CFI: variants seen among roughly 807,000 people sequenced by gnomAD.
CFI encodes the protein C3B/C4B inactivator.
In CFI, 66 loss-of-function variants were observed where a neutral mutation model predicts 78.8. That is an observed-to-expected ratio of 0.84 (90% CI 0.69 to 1.03). The LOEUF (loss-of-function observed/expected upper bound fraction) is 1.03, where lower values mean the gene tolerates loss of function less well. Ranked by LOEUF, CFI falls within the 50% of genes least tolerant of loss-of-function variation. The pLI, the probability that CFI is intolerant of heterozygous loss-of-function variation, is 0.00. For missense variants in CFI, 706 were observed against 704.5 expected (o/e 1.00, Z -0.02); for synonymous variants, 250 against 232.6 (o/e 1.07, Z -0.68).
intron 1 of CFI, among the ~76,000 whole-genome samples, chr4:109,768,348 A>AAAG (rs1210744722): frequency 1.3e-5 from 2 of 151,038 alleles, no homozygotes; most frequent in Admixed American, 1.3e-4. Flanking sequence ...AAAAAAAAAA[A>AAAG]AAAAAGAAAA....
Position 109,741,078 on chromosome 4 carries a change from CT to C in CFI, c.1566del (p.Asp524ThrfsTer6), listed in dbSNP as rs1227020199. On this transcript the variant is annotated frameshift_variant, in exon 13 of 13. Transcript: ENST00000394634. LOFTEE classifies it high-confidence loss of function. ...CAGACTAAGGGGCCTCCAGAGTCCC[CT>C]TTACAGGCATCGATGGAACCATCAT... ...GTYDGSIDAC[K>X]GDSGGPLVCM... 2.5e-6 allele frequency: 4 copies of C among 1,614,016 alleles called. No homozygotes were observed.
Position 109,749,335 on chromosome 4 carries a change from T to A in CFI, c.1045-14A>T, listed in dbSNP as rs775161962. On this transcript the variant is annotated splice_polypyrimidine_tract_variant and intron_variant, in intron 9 of 12. Coordinates refer to ENST00000394634, the MANE Select transcript of CFI (RefSeq NM_000204.5). ...TGGGAGGTCTCCCTGTAAAAGACAT[T>A]TGTGTGGTCACTGCCATTCTAACAG... 2 of 1,607,510 alleles carry A rather than the reference T, an allele frequency of 1.2e-6. No individual in the cohort carries two copies. The highest frequency in any genetic ancestry group is 1.7e-6 in the Non-Finnish European group (2 of 1,173,968).
rs199832793 is a variant in CFI at position 109,766,721 on chromosome 4, C to A, written c.161G>T (p.Cys54Phe). Residue 54 changes from cysteine (C) to phenylalanine (F), a missense_variant, in exon 2 of 13, where the codon TGC (cysteine) becomes TTC (phenylalanine). Transcript: ENST00000394634. Reference sequence around the variant, plus strand: ...TTTACAAACACAGGTGCCCTCAATGCATCTCTGCCATGGCTGGCAGAAGAC... The same window carrying A: ...TTTACAAACACAGGTGCCCTCAATGAATCTCTGCCATGGCTGGCAGAAGAC... ...DKVFCQPWQR[C>F]IEGTCVCKLP... The A allele has an allele frequency of 6.2e-7, 1 of 1,614,184 alleles. No homozygotes were observed. Among genetic ancestry groups the A allele is most frequent in the Non-Finnish European group, 8.5e-7 (1 of 1,180,022 alleles).
chr4:109,745,073 G>A (rs1044882098), intron 11 of CFI, among the ~76,000 whole-genome samples: 1 of 152,182 alleles, frequency 6.6e-6, no homozygotes, highest in South Asian at 2.1e-4. Flanking sequence ...GTTGGAATAT[G>A]AGTCTAAAAG....
intron 1 of CFI, among the ~76,000 whole-genome samples, chr4:109,777,190 G>C (rs927101205): frequency 2.0e-4 from 31 of 152,148 alleles, no homozygotes; most frequent in African/African-American, 6.8e-4. Context: ...ATTGGATAAA[G>C]AGTCAAGACC....
downstream of CFI, among the ~76,000 whole-genome samples, chr4:109,739,045 A>T (rs1245010703): frequency 6.6e-6 from 1 of 152,134 alleles, no homozygotes; most frequent in East Asian, 1.9e-4. Flanking sequence ...ATTTAATGTC[A>T]CTCAACTTTA....
chr4:109,783,200 C>A (rs1291909036), intron 1 of CFI, among the ~76,000 whole-genome samples: 1 of 152,076 alleles, frequency 6.6e-6, no homozygotes, highest in African/African-American at 2.4e-5. Flanking sequence ...AACTAAAGAA[C>A]CTTTGCACAG....
rs567414851 is a variant in CFI, at chr4:109,768,632, C to T, written c.58-1808G>A. Among the ~76,000 whole-genome samples, 10 of 152,284 alleles carry T rather than the reference C, an allele frequency of 6.6e-5. No homozygotes were observed. In the South Asian group the frequency reaches 2.1e-3, roughly 32 times the overall value. ...CCAAAAGCCAATCTGCGAAGAAAAG[C>T]CAATGCTGTCTCCCTGTCCCCCAGA... On this transcript the variant is annotated intron_variant, in intron 1 of 12. Coordinates refer to ENST00000394634, the MANE Select transcript of CFI (RefSeq NM_000204.5).
downstream of CFI, among the ~76,000 whole-genome samples, chr4:109,735,930 A>G (rs1723346004): frequency 6.6e-6 from 1 of 152,268 alleles, no homozygotes; most frequent in Admixed American, 6.5e-5. Context: ...TGACAGGTTC[A>G]TAACTCAGGA....
chr4:109,738,764 G>A (rs190070596), downstream of CFI, among the ~76,000 whole-genome samples: 3 of 152,268 alleles, frequency 2.0e-5, no homozygotes, highest in South Asian at 2.1e-4. Flanking sequence ...GTCTAAGTCC[G>A]CCCAGCCCAG....
Position 109,740,888 on chromosome 4 carries a change from C to T in CFI, c.*5G>A, listed in dbSNP as rs1223098518. The T allele has an allele frequency of 6.8e-6, 11 of 1,610,484 alleles. No homozygotes were observed. Among genetic ancestry groups the T allele is most frequent in the Non-Finnish European group, 9.3e-6 (11 of 1,176,866 alleles). ...AAGAATAGAATGAAGAGAGAGATCA[C>T]AATTTTATACATTGTACTGAGAAAT... On this transcript the variant is annotated 3_prime_UTR_variant, in exon 13 of 13. Transcript: ENST00000394634.
chr4:109,796,445 A>C (rs1267484519), intron 1 of CFI, among the ~76,000 whole-genome samples: 1 of 152,236 alleles, frequency 6.6e-6, no homozygotes, highest in Non-Finnish European at 1.5e-5. Context: ...ATACAAAAAC[A>C]ACATACAAAA....
the CFI span, among the ~76,000 whole-genome samples, chr4:109,733,615 GC>G: frequency 2.6e-5 from 4 of 152,150 alleles, no homozygotes; most frequent in African/African-American, 9.7e-5. Context: ...TGATGGTAGA[GC>G]AGAAGGGATT....
At chr4:109,760,498 A>T in intron 5 of CFI, 25 bp downstream of exon 5, 1 of 1,494,206 alleles carries the variant, frequency 6.7e-7, no homozygotes, top group Non-Finnish European at 9.3e-7. Context: ...AATTTAGAGG[A>T]TTTAGAGGCT....
At chr4:109,769,132 A>T (rs1728243645) in intron 1 of CFI, among the ~76,000 whole-genome samples, 1 of 152,206 alleles carries the variant, frequency 6.6e-6, no homozygotes, top group Non-Finnish European at 1.5e-5. Context: ...TGATGCTCTC[A>T]TTGGATGAGA....
downstream of CFI, among the ~76,000 whole-genome samples, chr4:109,739,460 A>G (rs1229307299): frequency 1.3e-5 from 2 of 152,066 alleles, no homozygotes; most frequent in Non-Finnish European, 2.9e-5. Context: ...ACACTGGGGG[A>G]AGAAAAGTAC....
intron 7 of CFI, among the ~76,000 whole-genome samples, chr4:109,756,937 GAAA>G (rs1318099551): frequency 1.4e-5 from 2 of 147,442 alleles, no homozygotes; most frequent in Non-Finnish European, 3.0e-5. Flanking sequence ...AAGAAAGAAA[GAAA>G]GAAAGAAAGA....
downstream of CFI, among the ~76,000 whole-genome samples, chr4:109,739,991 GTTAATAC>G (rs910492875): frequency 6.1e-4 from 93 of 152,258 alleles, no homozygotes; most frequent in African/African-American, 2.1e-3. Flanking sequence ...TTCAAGAAAT[GTTAATAC>G]TTAAAGAAGC....
chr4:109,760,429 T>G, intron 5 of CFI, 49 bp from the exon 6 acceptor site: 1 of 1,516,990 alleles, frequency 6.6e-7, no homozygotes, highest in Non-Finnish European at 9.2e-7. Context: ...TAAAGTTGAA[T>G]GAGGTACAAT....
Sources: gnomAD v4.1 joint callset for allele counts (sites outside exome capture counted in the v4.1 genomes callset) on GRCh38, gnomAD v4.1.1 for gene constraint, MANE v1.5 for transcripts, NCBI Gene and HGNC (gene_info 2026-07-23, HGNC 2026-07-21) for gene names.